CFI: variants seen among roughly 807,000 people sequenced by gnomAD.
CFI encodes the protein C3B/C4B inactivator.
CFI carries 66 observed loss-of-function variants against 78.8 expected under a neutral mutation model. The observed-to-expected ratio is 0.84, with a 90% CI of 0.69 to 1.03. CFI has a LOEUF of 1.03. Among genes scored for constraint, CFI ranks in the 50% least tolerant of loss-of-function variants. The probability of loss-of-function intolerance (pLI) is 0.00; values close to 1 mark genes in which losing one functional copy is unlikely to be tolerated. For synonymous variants in CFI, 250 were observed against 232.6 expected, an observed-to-expected ratio of 1.07 and a Z score of -0.68; for missense variants, 706 against 704.5, an observed-to-expected ratio of 1.00 and a Z score of -0.02.
intron 6 of CFI, chr4:109,760,032 C>T: frequency 1.5e-6 from 1 of 662,640 alleles, no homozygotes; most frequent in Non-Finnish European, 2.8e-6. Context: ...TTCTAATGGT[C>T]TATTTTTTGT....
At chr4:109,785,593 A>G (rs1338237356) in intron 1 of CFI, among the ~76,000 whole-genome samples, 3 of 152,054 alleles carry the variant, frequency 2.0e-5, no homozygotes, top group Non-Finnish European at 4.4e-5. Context: ...TCTACAAAAC[A>G]TGATTCCATC....
At chr4:109,737,402 G>A (rs1345072818), downstream of CFI, among the ~76,000 whole-genome samples, 2 of 152,296 alleles carry the variant, frequency 1.3e-5, no homozygotes, top group Non-Finnish European at 2.9e-5. Context: ...CTCTGCAGAA[G>A]CCCTCTTTAA....
At chr4:109,740,657 G>A, downstream of CFI, 1 of 540,942 alleles carries the variant, frequency 1.8e-6, no homozygotes, top group Non-Finnish European at 3.3e-6. Flanking sequence ...CTCCCGCATT[G>A]AGATAATTTA....
intron 1 of CFI, among the ~76,000 whole-genome samples, chr4:109,797,798 T>C (rs532819072): frequency 1.3e-5 from 2 of 152,256 alleles, no homozygotes; most frequent in South Asian, 4.1e-4. Flanking sequence ...AAATGGTCAA[T>C]AGGTACTTGA....
At chr4:109,770,640 A>AG (rs1728468049) in intron 1 of CFI, among the ~76,000 whole-genome samples, 1 of 151,632 alleles carries the variant, frequency 6.6e-6, no homozygotes, top group Non-Finnish European at 1.5e-5. Flanking sequence ...CCAGAAAAAA[A>AG]AAAAAAAAAA....
intron 1 of CFI, among the ~76,000 whole-genome samples, chr4:109,779,299 A>C (rs1232710559): frequency 6.6e-6 from 1 of 152,218 alleles, no homozygotes; most frequent in Non-Finnish European, 1.5e-5. Flanking sequence ...AGGATACAAA[A>C]TCAATGTGCA....
intron 11 of CFI, among the ~76,000 whole-genome samples, chr4:109,745,136 G>A (rs6822976): frequency 0.42 from 63,546 of 152,098 alleles, 14,584 homozygotes; most frequent in East Asian, 0.62. Context: ...AATTTAAGAT[G>A]TTGAAAGGAA....
At chr4:109,798,530 AT>A in intron 1 of CFI, among the ~76,000 whole-genome samples, 1 of 150,840 alleles carries the variant, frequency 6.6e-6, no homozygotes, top group Non-Finnish European at 1.5e-5. Context: ...TAAAAAGACC[AT>A]TAAGTCTTTG....
At chr4:109,801,448 C>A (rs988908809) in intron 1 of CFI, among the ~76,000 whole-genome samples, 1 of 152,216 alleles carries the variant, frequency 6.6e-6, no homozygotes, top group Non-Finnish European at 1.5e-5. Flanking sequence ...ATTTGTATCA[C>A]TTTTGACAAT....
intron 1 of CFI, among the ~76,000 whole-genome samples, chr4:109,790,870 C>T (rs1379203379): frequency 6.6e-6 from 1 of 152,124 alleles, no homozygotes; most frequent in Non-Finnish European, 1.5e-5. Context: ...TAAGGTGATT[C>T]CATGTCTTTG....
Position 109,742,158 on chromosome 4 carries a change from T to G in CFI, c.1534+333A>C, listed in dbSNP as rs1214927006. 1.4e-5 allele frequency: 4 copies of G among 286,050 alleles called. No individual in the cohort carries two copies. In the Admixed American group the frequency reaches 1.9e-4, roughly 14 times the overall value. 17.7% of individuals were successfully genotyped at this position (286,050 alleles called of 1,614,324 possible). On this transcript the variant is annotated intron_variant, in intron 12 of 12. Coordinates refer to ENST00000394634, the MANE Select transcript of CFI (RefSeq NM_000204.5). ...CATCTCAGATGCCTTATCTATGATC[T>G]TCAATTTTACAAATGAAGAAACCTG...
chr4:109,751,971 G>T (rs1246903758), intron 8 of CFI, among the ~76,000 whole-genome samples: 1 of 152,150 alleles, frequency 6.6e-6, no homozygotes, highest in Admixed American at 6.5e-5. Flanking sequence ...CTAATCAATT[G>T]CTATCTTCCC....
At chr4:109,740,374 GA>G (rs1723650693), downstream of CFI, among the ~76,000 whole-genome samples, 1 of 151,876 alleles carries the variant, frequency 6.6e-6, no homozygotes, top group Admixed American at 6.6e-5. Context: ...AGGAAAGAGA[GA>G]AAAGATGAGA....
At chr4:109,754,805 A>C (rs1725924650) in intron 7 of CFI, among the ~76,000 whole-genome samples, 1 of 152,224 alleles carries the variant, frequency 6.6e-6, no homozygotes, top group Admixed American at 6.5e-5. Flanking sequence ...TTCAATGCCC[A>C]ACAAAGGAAG....
At chr4:109,778,964 G>A (rs1471905487) in intron 1 of CFI, among the ~76,000 whole-genome samples, 2 of 152,046 alleles carry the variant, frequency 1.3e-5, no homozygotes, top group Non-Finnish European at 2.9e-5. Flanking sequence ...AATAAACTAG[G>A]TATTGATGGG....
At chr4:109,740,693 T>C, downstream of CFI, 1 of 645,474 alleles carries the variant, frequency 1.5e-6, no homozygotes, top group South Asian at 1.7e-5. Flanking sequence ...AAATAAAACT[T>C]GTATGCTTCA....
chr4:109,797,448 C>T (rs555488660), intron 1 of CFI, among the ~76,000 whole-genome samples: 6 of 152,168 alleles, frequency 3.9e-5, no homozygotes, highest in Admixed American at 6.5e-5. Context: ...AAGACTTACA[C>T]ATACACCTGA....
intron 1 of CFI, among the ~76,000 whole-genome samples, chr4:109,787,522 G>A (rs1415494299): frequency 6.6e-6 from 1 of 151,850 alleles, no homozygotes; most frequent in Non-Finnish European, 1.5e-5. Flanking sequence ...TAAAAAATAG[G>A]GAGAGAATGT....
chr4:109,752,410 A>G, intron 8 of CFI, 58 bp downstream of exon 8: 1 of 1,494,538 alleles, frequency 6.7e-7, no homozygotes, highest in Non-Finnish European at 9.3e-7. Flanking sequence ...TGCAAATGAC[A>G]CTGAAATTAC....
Sources: gnomAD v4.1 joint callset for allele counts (sites outside exome capture counted in the v4.1 genomes callset) on GRCh38, gnomAD v4.1.1 for gene constraint, MANE v1.5 for transcripts, NCBI Gene and HGNC (gene_info 2026-07-23, HGNC 2026-07-21) for gene names.